Variants in RAB3IP observed in about 807,000 individuals in gnomAD.
RAB3IP encodes RAB3A interacting protein, also known as rab-3A-interacting protein.
A neutral mutation model predicts 59.1 loss-of-function variants in RAB3IP; 36 were observed. The ratio of observed to expected loss-of-function variants is 0.61; its 90% CI spans 0.47 to 0.80. The LOEUF is 0.80. Ranked by LOEUF, RAB3IP falls within the 30% of genes least tolerant of loss-of-function variation. The probability of loss-of-function intolerance (pLI) is 0.00; values close to 1 mark genes in which losing one functional copy is unlikely to be tolerated. For missense variants in RAB3IP, 511 were observed against 536.0 expected (o/e 0.95, Z 0.46); for synonymous variants, 207 against 191.2 (o/e 1.08, Z -0.68).
Position 69,802,160 on chromosome 12 carries a change from C to T in RAB3IP, c.1130+439C>T, listed in dbSNP as rs141466226. On this transcript the variant is annotated intron_variant, in intron 8 of 10. Transcript: ENST00000247833. ...CATAAGTAGAATTTTTTTTATTACACGTATATGTGTAGCCATGTGTCCTGG... is the reference window on the plus strand; with the variant it reads ...CATAAGTAGAATTTTTTTTATTACATGTATATGTGTAGCCATGTGTCCTGG... 4.1e-3 allele frequency among the ~76,000 whole-genome samples: 617 copies of T among 150,738 alleles called. 4 individuals carry two copies. The highest frequency in any genetic ancestry group is 0.014 in the African/African-American group (579 of 41,112).
At chr12:69,795,106 T>G in intron 5 of RAB3IP, 35 bp from the exon 6 acceptor site, 1 of 1,510,520 alleles carries the variant, frequency 6.6e-7, no homozygotes. Flanking sequence ...ATGAAACGTA[T>G]TTAATGTATG....
At chr12:69,812,502 T>C (rs1880593147) in intron 8 of RAB3IP, 2 of 321,198 alleles carry the variant, frequency 6.2e-6, no homozygotes, top group South Asian at 1.2e-4. Flanking sequence ...TGTAAATTTG[T>C]TCCAAGATGG....
chr12:69,813,086 ATAAG>A (rs1880681450), intron 10 of RAB3IP, 53 bp downstream of exon 10: 3 of 1,348,076 alleles, frequency 2.2e-6, no homozygotes, highest in Admixed American at 2.0e-5. Flanking sequence ...AGCAAAAAGT[ATAAG>A]TAAAGTTCAA....
Position 69,756,532 on chromosome 12 carries a change from G to C in RAB3IP, c.379G>C (p.Ala127Pro), listed in dbSNP as rs1392670494. The C allele has an allele frequency of 6.2e-7, 1 of 1,614,140 alleles. No individual in the cohort carries two copies. Among genetic ancestry groups the C allele is most frequent in the Non-Finnish European group, 8.5e-7 (1 of 1,180,032 alleles). ...EFLQGATITEACDGSDDIFGL... is the reference protein window; with the variant it reads ...EFLQGATITEPCDGSDDIFGL... ...TTTACAGGGTGCTACTATAACAGAG[G>C]CTTGCGATGGCAGTGATGATATTTT... The change falls in exon 3 of 11, where the codon GCT becomes CCT. Residue 127 changes from alanine (A) to proline (P), a missense_variant. By Grantham distance (27) the Ala-to-Pro change is conservative (BLOSUM62 -1). Transcript: ENST00000247833.
At chr12:69,782,284 G>C (rs10748134) in intron 3 of RAB3IP, among the ~76,000 whole-genome samples, 144,739 of 152,310 alleles carry the variant, frequency 0.95, 68,787 homozygotes, top group East Asian at 1. Flanking sequence ...CCTGCCTCAG[G>C]CTTCTGAGTA....
At chr12:69,750,546 T>G (rs1358622425) in intron 1 of RAB3IP, among the ~76,000 whole-genome samples, 1 of 148,968 alleles carries the variant, frequency 6.7e-6, no homozygotes, top group Non-Finnish European at 1.5e-5. Context: ...CTACCTCGTT[T>G]TTTTTTTTTT....
intron 3 of RAB3IP, 69 bp from the exon 4 acceptor site, chr12:69,784,651 G>T: frequency 1.3e-6 from 1 of 788,956 alleles, no homozygotes; most frequent in Admixed American, 2.4e-5. Flanking sequence ...TATTAGTAAA[G>T]ATTATATAGT....
At chr12:69,799,939 G>T (rs1447800816) in intron 6 of RAB3IP, among the ~76,000 whole-genome samples, 1 of 152,094 alleles carries the variant, frequency 6.6e-6, no homozygotes, top group East Asian at 1.9e-4. Context: ...GGTAGTGAAT[G>T]ATGCTTGGAA....
At chr12:69,786,623 T>TATTAATTA (rs1221108850) in intron 4 of RAB3IP, among the ~76,000 whole-genome samples, 2 of 152,182 alleles carry the variant, frequency 1.3e-5, no homozygotes, top group Non-Finnish European at 2.9e-5. Context: ...TATATTAAGC[T>TATTAATTA]ATTTATGTTA....
At chr12:69,761,439 A>G (rs1871295222) in intron 3 of RAB3IP, among the ~76,000 whole-genome samples, 1 of 151,996 alleles carries the variant, frequency 6.6e-6, no homozygotes, top group Non-Finnish European at 1.5e-5. Context: ...TGATCCATAT[A>G]TTTTTTCAGA....
chr12:69,799,613 ATTC>A (rs1282164193), intron 6 of RAB3IP, among the ~76,000 whole-genome samples: 1 of 151,914 alleles, frequency 6.6e-6, no homozygotes, highest in Non-Finnish European at 1.5e-5. Context: ...GGCTTTACGT[ATTC>A]TTTTTTTTTA....
intron 8 of RAB3IP, among the ~76,000 whole-genome samples, chr12:69,804,586 A>G (rs1231782495): frequency 6.6e-6 from 1 of 152,208 alleles, no homozygotes; most frequent in Non-Finnish European, 1.5e-5. Flanking sequence ...TATGTCCTGA[A>G]TGGTATTGCG....
chr12:69,799,684 T>C (rs945375452), intron 6 of RAB3IP, among the ~76,000 whole-genome samples: 5 of 152,222 alleles, frequency 3.3e-5, no homozygotes, highest in East Asian at 1.9e-4. Flanking sequence ...CTTCAAGTTA[T>C]AGTAGAACAA....
At chr12:69,751,033 T>C (rs1448626520) in intron 1 of RAB3IP, among the ~76,000 whole-genome samples, 1 of 152,230 alleles carries the variant, frequency 6.6e-6, no homozygotes, top group Non-Finnish European at 1.5e-5. Flanking sequence ...GTTCAGTTCT[T>C]TGATATACAG....
intron 2 of RAB3IP, 93 bp from the exon 3 acceptor site, chr12:69,756,312 A>T: frequency 7.6e-7 from 1 of 1,314,836 alleles, no homozygotes; most frequent in Non-Finnish European, 1.1e-6. Flanking sequence ...GAAGCTACCA[A>T]ATTGGGTAGT....
At chr12:69,743,266 T>C (rs1243185153) in intron 1 of RAB3IP, among the ~76,000 whole-genome samples, 2 of 152,152 alleles carry the variant, frequency 1.3e-5, no homozygotes, top group African/African-American at 4.8e-5. Context: ...CAGATAAGGA[T>C]AAAGTATAAA....
intron 3 of RAB3IP, among the ~76,000 whole-genome samples, chr12:69,779,376 T>G (rs908838950): frequency 6.6e-6 from 1 of 151,326 alleles, no homozygotes; most frequent in African/African-American, 2.4e-5. Flanking sequence ...ACCCGTCTTC[T>G]GCGTCGCTCA....
At chr12:69,792,512 A>T (rs2136224697) in intron 4 of RAB3IP, among the ~76,000 whole-genome samples, 1 of 152,274 alleles carries the variant, frequency 6.6e-6, no homozygotes, top group East Asian at 1.9e-4. Context: ...GAAAAAGTTT[A>T]CCGACTCCTG....
chr12:69,755,939 G>A (rs926639867), intron 2 of RAB3IP, among the ~76,000 whole-genome samples: 1 of 152,202 alleles, frequency 6.6e-6, no homozygotes, highest in African/African-American at 2.4e-5. Context: ...GTATGTAAAT[G>A]AATGAGAGTG....
Sources: allele counts gnomAD v4.1 joint callset (sites outside exome capture counted in the v4.1 genomes callset), GRCh38; gene constraint gnomAD v4.1.1; transcripts MANE v1.5; gene names NCBI Gene and HGNC (gene_info 2026-07-23, HGNC 2026-07-21).